Variants in VIT observed in about 807,000 individuals in gnomAD.
VIT encodes vitrin.
A neutral mutation model predicts 78.0 loss-of-function variants in VIT; 99 were observed. The observed-to-expected ratio is 1.27, with a 90% CI of 1.08 to 1.50. VIT has a LOEUF of 1.50. Ranked by LOEUF, VIT falls within the 40% of genes most tolerant of loss-of-function variation. The pLI is 0.00. For missense variants in VIT, 1,126 were observed against 875.3 expected (o/e 1.29, Z -3.61); for synonymous variants, 374 against 334.3 (o/e 1.12, Z -1.29).
intron 12 of VIT, among the ~76,000 whole-genome samples, chr2:36,791,382 G>A (rs74811130): frequency 0.061 from 9,239 of 152,174 alleles, 282 homozygotes; most frequent in African/African-American, 0.072. Context: ...GCAAAATGCC[G>A]TGTCTGGTAT....
intron 4 of VIT, among the ~76,000 whole-genome samples, chr2:36,746,427 T>C (rs1362445183): frequency 6.6e-6 from 1 of 152,168 alleles, no homozygotes; most frequent in Admixed American, 6.5e-5. Context: ...TGAATCTATC[T>C]GGTCCAGGGC....
intron 13 of VIT, among the ~76,000 whole-genome samples, chr2:36,804,467 T>G (rs776536944): frequency 6.6e-6 from 1 of 152,082 alleles, no homozygotes; most frequent in African/African-American, 2.4e-5. Context: ...CACCCTACAC[T>G]CTTGGAAACA....
intron 1 of VIT, among the ~76,000 whole-genome samples, chr2:36,712,922 T>C (rs2148439882): frequency 6.6e-6 from 1 of 152,360 alleles, no homozygotes; most frequent in Non-Finnish European, 1.5e-5. Flanking sequence ...CCTCTTTAAA[T>C]TTCCTAGGGA....
chr2:36,780,221 G>A (rs1276099191), intron 9 of VIT, among the ~76,000 whole-genome samples: 1 of 152,208 alleles, frequency 6.6e-6, no homozygotes, highest in Non-Finnish European at 1.5e-5. Context: ...ACAGGAGCAA[G>A]AGGCTTGGAA....
chr2:36,810,020 A>G (rs976476253), intron 15 of VIT, among the ~76,000 whole-genome samples: 25 of 145,276 alleles, frequency 1.7e-4, no homozygotes, highest in Admixed American at 6.9e-5. Flanking sequence ...GGCCAGGCAC[A>G]ATGGCCCACG....
At position 36,729,633 on chromosome 2, in the gene VIT, A is replaced by G. The variant is rs1667073452; in HGVS notation, c.118+142A>G. 5 of 824,406 alleles carry G rather than the reference A, an allele frequency of 6.1e-6. No homozygotes were observed. In the East Asian group the frequency reaches 8.1e-5, roughly 13 times the overall value. 51.1% of individuals were successfully genotyped at this position (824,406 alleles called of 1,614,324 possible). A position where few individuals can be genotyped will look rare whatever the true frequency, so the allele number is the denominator to read the frequency against. On this transcript the variant is annotated intron_variant, in intron 3 of 15. Transcript: ENST00000379242. ...ATTTCCACTCAGATTAATTAGTGAT[A>G]AGTCTTATCCCCTACCACATTCCAA...
intron 10 of VIT, among the ~76,000 whole-genome samples, chr2:36,782,446 A>G (rs1028830728): frequency 6.6e-6 from 1 of 152,174 alleles, no homozygotes; most frequent in African/African-American, 2.4e-5. Context: ...TGCAAACTGG[A>G]AAAAATAACA....
rs1382862243 is a variant in VIT, at chr2:36,805,309, A to G, written c.1163-129A>G. Reference sequence around the variant, plus strand: ...ACAGAGCAAGACCCTGTCTCAAAGGAAAAAAAAAAAAAAAAAAACTAGGGA... The same window carrying G: ...ACAGAGCAAGACCCTGTCTCAAAGGGAAAAAAAAAAAAAAAAAACTAGGGA... On this transcript the variant is annotated intron_variant, in intron 13 of 15. Coordinates refer to ENST00000379242, the MANE Select transcript of VIT (RefSeq NM_053276.4). The G allele has an allele frequency of 2.3e-5, 9 of 389,936 alleles. No individual in the cohort carries two copies. The East Asian group carries it at 6.5e-4, about 28-fold the overall frequency. The allele number at this position is 389,936 out of a possible 1,614,324, so 24.2% of individuals were successfully genotyped here.
intron 13 of VIT, among the ~76,000 whole-genome samples, chr2:36,804,967 A>G (rs1328787749): frequency 6.6e-6 from 1 of 152,206 alleles, no homozygotes; most frequent in Non-Finnish European, 1.5e-5. Context: ...AACGTACTTA[A>G]TGCCACTGAA....
intron 12 of VIT, among the ~76,000 whole-genome samples, chr2:36,791,190 C>T (rs1193683309): frequency 6.6e-6 from 1 of 152,178 alleles, no homozygotes; most frequent in Admixed American, 6.5e-5. Flanking sequence ...TCTATAATAG[C>T]TGTCCTGTGG....
chr2:36,795,115 G>A (rs1253915458), intron 12 of VIT, among the ~76,000 whole-genome samples: 1 of 152,152 alleles, frequency 6.6e-6, no homozygotes, highest in East Asian at 1.9e-4. Flanking sequence ...TGGAAGCTAG[G>A]AGAAAGTGCC....
intron 4 of VIT, among the ~76,000 whole-genome samples, chr2:36,752,748 T>C (rs1009666201): frequency 6.6e-6 from 1 of 152,204 alleles, no homozygotes; most frequent in Non-Finnish European, 1.5e-5. Flanking sequence ...AGCATAACAA[T>C]TGGCTCTCAC....
rs570061182 is a variant in VIT at position 36,702,047 on chromosome 2, G to T, written c.-19+5074G>T. On this transcript the variant is annotated intron_variant, in intron 1 of 15. Transcript: ENST00000379242. ...GTGAAAAATGTAAGTAGCAAAGTAG[G>T]ATGCAGAGAGCAGTCAGGGTGATGA... Among the ~76,000 whole-genome samples the T allele has an allele frequency of 2.0e-5, 3 of 152,302 alleles. No homozygotes were observed. In the South Asian group the frequency reaches 6.2e-4, roughly 32 times the overall value.
At chr2:36,720,337 C>T (rs957265147) in intron 2 of VIT, among the ~76,000 whole-genome samples, 1 of 152,114 alleles carries the variant, frequency 6.6e-6, no homozygotes, top group Non-Finnish European at 1.5e-5. Flanking sequence ...AAGAAACCCA[C>T]ACATTTATAG....
At chr2:36,774,665 C>A in intron 8 of VIT, 1 of 985,412 alleles carries the variant, frequency 1.0e-6, no homozygotes, top group Non-Finnish European at 1.2e-6. Flanking sequence ...CTATGAGCTT[C>A]ACAATTGCAC....
intron 6 of VIT, among the ~76,000 whole-genome samples, chr2:36,762,086 A>G (rs1669157775): frequency 3.3e-5 from 5 of 152,116 alleles, no homozygotes; most frequent in Admixed American, 1.3e-4. Context: ...CGGATAATAA[A>G]AGTCTACTTG....
intron 3 of VIT, among the ~76,000 whole-genome samples, chr2:36,736,226 CA>C (rs1259264730): frequency 1.3e-5 from 2 of 152,070 alleles, no homozygotes; most frequent in Non-Finnish European, 2.9e-5. Flanking sequence ...TTTAAGGCTA[CA>C]AATAAAGATT....
At chr2:36,781,829 A>T (rs943577839) in intron 10 of VIT, 58 bp downstream of exon 10, 3 of 1,596,142 alleles carry the variant, frequency 1.9e-6, no homozygotes, top group Admixed American at 1.7e-5. Flanking sequence ...AGGATAGCAG[A>T]ACTAAGAGTC....
intron 12 of VIT, chr2:36,787,981 CTT>C (rs1161395301): frequency 9.3e-6 from 3 of 321,390 alleles, no homozygotes; most frequent in African/African-American, 2.2e-5. Flanking sequence ...ATAAATCACT[CTT>C]ATTTCAGATA....
Sources: gnomAD v4.1 joint callset for allele counts (sites outside exome capture counted in the v4.1 genomes callset) on GRCh38, gnomAD v4.1.1 for gene constraint, MANE v1.5 for transcripts, NCBI Gene and HGNC (gene_info 2026-07-23, HGNC 2026-07-21) for gene names.